The following NEIL2 variants were observed in gnomAD, a reference collection of about 807,000 sequenced individuals.
The protein encoded by NEIL2 is endonuclease 8-like 2.
Under a neutral mutation model 22.2 loss-of-function variants are expected in NEIL2, and 23 were observed. The ratio of observed to expected loss-of-function variants is 1.04; its 90% CI spans 0.75 to 1.47. The LOEUF is 1.47. NEIL2 is among the 40% of genes most tolerant of loss of function. The pLI, the probability that NEIL2 is intolerant of heterozygous loss-of-function variation, is 0.00. For synonymous variants in NEIL2, 229 were observed against 164.8 expected (o/e 1.39, Z -2.99); for missense variants, 583 against 404.7 (o/e 1.44, Z -3.78).
At position 11,779,799 on chromosome 8, in the gene NEIL2, G is replaced by T. The variant is rs149511633; in HGVS notation, c.340G>T (p.Asp114Tyr). Residue 114 changes from aspartate (D) to tyrosine (Y), a missense_variant, in exon 3 of 5, where the codon GAT becomes TAT. Transcript: ENST00000284503. ...AGAGCTCGTCCCCCAGGGCGAGGAT[G>T]ATTCTGAGTATTTGGAGAGAGACGC... is the stretch of plus-strand genomic sequence containing the variant. ...SAELVPQGED[D>Y]SEYLERDAPA... is the part of the protein sequence containing the mutation. 1.1e-4 allele frequency: 170 copies of T among 1,614,220 alleles called. No individual in the cohort carries two copies. In the African/African-American group the frequency reaches 2.1e-3, roughly 20 times the overall value.
intron 2 of NEIL2, among the ~76,000 whole-genome samples, chr8:11,773,338 G>C (rs1477133818): frequency 6.6e-6 from 1 of 152,176 alleles, no homozygotes; most frequent in Non-Finnish European, 1.5e-5. Flanking sequence ...ACCTAAGGTT[G>C]CAGGGAACCT....
rs772566377 is a variant in NEIL2 at position 11,779,714 on chromosome 8, C to T, written c.255C>T (p.Asp85=). Residue 85 remains aspartate, a synonymous_variant, in exon 3 of 5, where the codon GAC becomes GAT. Coordinates refer to ENST00000284503, the MANE Select transcript of NEIL2 (RefSeq NM_145043.4). ...QKEVQKEGAA[D]PKQVGEPSGQ... ...AAGTGCAGAAGGAAGGGGCTGCGGA[C>T]CCAAAGCAGGTCGGGGAGCCCAGCG... 5 of 1,614,056 alleles carry T rather than the reference C, an allele frequency of 3.1e-6. No individual in the cohort carries two copies. The highest frequency in any genetic ancestry group is 1.3e-5 in the African/African-American group (1 of 74,940).
chr8:11,783,144 G>A, intron 3 of NEIL2, 59 bp from the exon 4 acceptor site: 1 of 1,459,628 alleles, frequency 6.9e-7, no homozygotes, highest in Non-Finnish European at 9.6e-7. Context: ...CAGCCACAGG[G>A]TGTGCTCTGA....
intron 2 of NEIL2, among the ~76,000 whole-genome samples, chr8:11,772,998 C>T (rs1441947372): frequency 1.3e-5 from 2 of 152,140 alleles, no homozygotes; most frequent in Non-Finnish European, 2.9e-5. Flanking sequence ...GCCCTGTACC[C>T]ATAGTTGATT....
intron 2 of NEIL2, among the ~76,000 whole-genome samples, chr8:11,772,301 T>A (rs8191543): frequency 0.026 from 3,920 of 152,256 alleles, 158 homozygotes; most frequent in African/African-American, 0.09. Context: ...CACCACTGCC[T>A]CCCTCTCTAG....
Position 11,771,472 on chromosome 8 carries a change from A to G in NEIL2, c.25A>G (p.Lys9Glu). MPEGPLVR[K>E]FHHLVSPFVG... ...GATGCCAGAAGGGCCGTTGGTGAGG[A>G]AATTTCACCATTTGGTCTCCCCCTT... The change falls in exon 2 of 5, where the codon AAA (lysine) becomes GAA (glutamate). Residue 9 changes from lysine (K) to glutamate (E), a missense_variant. Lys to Glu is a moderately conservative substitution (Grantham distance 56). Coordinates refer to ENST00000284503, the MANE Select transcript of NEIL2 (RefSeq NM_145043.4). 1.9e-6 allele frequency: 3 copies of G among 1,613,988 alleles called. No homozygotes were observed. Among genetic ancestry groups the G allele is most frequent in the Non-Finnish European group, 2.5e-6 (3 of 1,180,010 alleles).
intron 3 of NEIL2, among the ~76,000 whole-genome samples, chr8:11,782,152 G>T (rs1804479878): frequency 6.6e-6 from 1 of 151,866 alleles, no homozygotes; most frequent in Admixed American, 6.6e-5. Flanking sequence ...GTTGGGTGTG[G>T]TGGCTCACAC....
At chr8:11,776,469 A>G (rs1399519342) in intron 2 of NEIL2, among the ~76,000 whole-genome samples, 3 of 152,106 alleles carry the variant, frequency 2.0e-5, no homozygotes, top group African/African-American at 2.4e-5. Flanking sequence ...GATTGTTTCA[A>G]CTCTTTGACT....
Position 11,783,233 on chromosome 8 carries a change from C to G in NEIL2, c.522C>G (p.Phe174Leu). The stretch of plus-strand genomic sequence containing the variant: ...TCCTGCACTTTGGTGGTGGTGGCTT[C>G]CTGGCATTTTATAATTGTCAGTTGT... The part of the protein sequence containing the change: ...RLVLHFGGGG[F>L]LAFYNCQLSW... The change falls in exon 4 of 5, where the codon TTC becomes TTG. Residue 174 changes from phenylalanine to leucine, a missense_variant. Coordinates refer to ENST00000284503, the MANE Select transcript of NEIL2 (RefSeq NM_145043.4). The G allele has an allele frequency of 1.2e-6, 2 of 1,614,234 alleles. No individual in the cohort carries two copies. The highest frequency in any genetic ancestry group is 1.7e-6 in the Non-Finnish European group (2 of 1,180,036).
chr8:11,779,561 G>C (rs1305683067), intron 2 of NEIL2, 37 bp from the exon 3 acceptor site: 1 of 1,478,558 alleles, frequency 6.8e-7, no homozygotes, highest in African/African-American at 1.4e-5. Context: ...CCCCTCTCTG[G>C]GTCTGTAAGG....
intron 3 of NEIL2, among the ~76,000 whole-genome samples, chr8:11,781,838 T>A (rs1223978918): frequency 2.0e-5 from 3 of 152,028 alleles, no homozygotes; most frequent in Non-Finnish European, 2.9e-5. Flanking sequence ...GACAGGAGGA[T>A]CACTTGAGCC....
Position 11,771,592 on chromosome 8 carries a change from T to G in NEIL2, c.138+7T>G, listed in dbSNP as rs1585733870. 6.2e-7 allele frequency: 1 copy of G among 1,612,744 alleles called. No homozygotes were observed. Among genetic ancestry groups the G allele is most frequent in the Admixed American group, 1.7e-5 (1 of 59,932 alleles). Reference sequence around the variant, plus strand: ...GTGGCTCCAGGACACCCAGGTGAGGTAATACTCCTCTGAAGGGTTGGCTCT... The same window carrying G: ...GTGGCTCCAGGACACCCAGGTGAGGGAATACTCCTCTGAAGGGTTGGCTCT... On this transcript the variant is annotated splice_region_variant and intron_variant, in intron 2 of 4. Transcript: ENST00000284503.
intron 4 of NEIL2, among the ~76,000 whole-genome samples, chr8:11,784,972 G>A (rs750412513): frequency 3.3e-5 from 5 of 151,326 alleles, no homozygotes; most frequent in African/African-American, 9.7e-5. Flanking sequence ...TGGCTCAAGC[G>A]ATCCTCCCAC....
chr8:11,773,131 C>T (rs1027968912), intron 2 of NEIL2, among the ~76,000 whole-genome samples: 4 of 152,150 alleles, frequency 2.6e-5, no homozygotes, highest in Non-Finnish European at 5.9e-5. Flanking sequence ...ACACACTGTC[C>T]TTCGAGGTTT....
intron 4 of NEIL2, among the ~76,000 whole-genome samples, chr8:11,785,465 G>A (rs1804829110): frequency 2.0e-5 from 3 of 152,118 alleles, no homozygotes; most frequent in African/African-American, 7.2e-5. Context: ...TAAAGTGCTG[G>A]GATTACAGGA....
chr8:11,783,214 A>C lies in NEIL2; in HGVS notation c.503A>C (p.His168Pro). The C allele has an allele frequency of 6.2e-7, 1 of 1,614,204 alleles. No individual in the cohort carries two copies. The highest frequency in any genetic ancestry group is 8.5e-7 in the Non-Finnish European group (1 of 1,180,022). Residue 168 changes from histidine (H) to proline (P), a missense_variant, in exon 4 of 5, where the codon CAC (histidine) becomes CCC (proline). By Grantham distance (77) the His-to-Pro change is moderately conservative. Coordinates refer to ENST00000284503, the MANE Select transcript of NEIL2 (RefSeq NM_145043.4). ...TTCTTTCTTCCCAGGTTGGTCCTGC[A>C]CTTTGGTGGTGGTGGCTTCCTGGCA... ...WRDPSPRLVLHFGGGGFLAFY... is the reference protein window; with the variant it reads ...WRDPSPRLVLPFGGGGFLAFY...
At chr8:11,776,686 T>C (rs779420248) in intron 2 of NEIL2, among the ~76,000 whole-genome samples, 1 of 152,192 alleles carries the variant, frequency 6.6e-6, no homozygotes, top group Non-Finnish European at 1.5e-5. Flanking sequence ...CTTCCATTTT[T>C]AACCTCTTGC....
chr8:11,777,200 C>T (rs1353257467), intron 2 of NEIL2, among the ~76,000 whole-genome samples: 1 of 151,796 alleles, frequency 6.6e-6, no homozygotes, highest in Non-Finnish European at 1.5e-5. Flanking sequence ...ACTTTGTTAC[C>T]CAGGCTGGTC....
At chr8:11,775,238 A>G (rs1803807066) in intron 2 of NEIL2, among the ~76,000 whole-genome samples, 1 of 152,196 alleles carries the variant, frequency 6.6e-6, no homozygotes, top group African/African-American at 2.4e-5. Context: ...GAGGTTTCCA[A>G]ACCTCCATTC....
Sources: allele counts gnomAD v4.1 joint callset (sites outside exome capture counted in the v4.1 genomes callset), GRCh38; gene constraint gnomAD v4.1.1; transcripts MANE v1.5; gene names NCBI Gene and HGNC (gene_info 2026-07-23, HGNC 2026-07-21).